FAM219A: variants seen among roughly 807,000 people sequenced by gnomAD.
The protein encoded by FAM219A is family with sequence similarity 219 member A.
FAM219A carries 7 observed loss-of-function variants against 23.4 expected under a neutral mutation model. The observed-to-expected ratio is 0.30, with a 90% confidence interval of 0.17 to 0.56. The LOEUF is 0.56. FAM219A is among the 20% of genes least tolerant of loss of function. The pLI is 0.92. For synonymous variants in FAM219A, 93 were observed against 99.0 expected, an observed-to-expected ratio of 0.94 and a Z score of 0.36; for missense variants, 166 against 246.9, an observed-to-expected ratio of 0.67 and a Z score of 2.20.
chr9:34,415,871 A>AAC (rs1821983702), intron 1 of FAM219A, among the ~76,000 whole-genome samples: 1 of 152,168 alleles, frequency 6.6e-6, no homozygotes, highest in African/African-American at 2.4e-5. Context: ...GAAAGAAGTA[A>AAC]ACACAAGAGA....
At chr9:34,428,808 G>A (rs1405717594) in intron 1 of FAM219A, among the ~76,000 whole-genome samples, 1 of 152,172 alleles carries the variant, frequency 6.6e-6, no homozygotes, top group Non-Finnish European at 1.5e-5. Context: ...ATCTGTTCTT[G>A]TTTCTTCTCC....
At chr9:34,421,592 C>T (rs1822287783) in intron 1 of FAM219A, among the ~76,000 whole-genome samples, 1 of 151,920 alleles carries the variant, frequency 6.6e-6, no homozygotes, top group South Asian at 2.1e-4. Context: ...TAGGAAAGGC[C>T]GCTGAAACAG....
intron 1 of FAM219A, among the ~76,000 whole-genome samples, chr9:34,419,671 C>A (rs1300984937): frequency 6.6e-6 from 1 of 152,132 alleles, no homozygotes; most frequent in Non-Finnish European, 1.5e-5. Flanking sequence ...CGTGTGGATT[C>A]TTGTCTGAAT....
chr9:34,418,288 T>G (rs1822111856), intron 1 of FAM219A, among the ~76,000 whole-genome samples: 1 of 152,188 alleles, frequency 6.6e-6, no homozygotes, highest in South Asian at 2.1e-4. Flanking sequence ...CCTGCTCTGC[T>G]TCTTCATGGT....
rs1823810955 is a variant in FAM219A, at chr9:34,457,882, G to C, written c.60+322C>G. On this transcript the variant is annotated intron_variant, in intron 1 of 5. Transcript: ENST00000651358. This position sits in a 1 kb window ranked among gnomAD's most constrained non-coding sequence, Gnocchi z 5.1. ...GACCCCTGGGCCTGCCGCCGGCGGTGCCCCATGGCAGTTCCCTCGCCAGTC... is the reference window on the plus strand; with the variant it reads ...GACCCCTGGGCCTGCCGCCGGCGGTCCCCCATGGCAGTTCCCTCGCCAGTC... 6.6e-6 allele frequency among the ~76,000 whole-genome samples: 1 copy of C among 152,094 alleles called. No homozygotes were observed. Among genetic ancestry groups the C allele is most frequent in the African/African-American group, 2.4e-5 (1 of 41,424 alleles).
chr9:34,448,533 G>C (rs1419661744), intron 1 of FAM219A, among the ~76,000 whole-genome samples: 1 of 152,224 alleles, frequency 6.6e-6, no homozygotes, highest in South Asian at 2.1e-4. Context: ...GGAGTAGGAG[G>C]GTATAAAATA....
At chr9:34,428,834 T>C (rs1362949594) in intron 1 of FAM219A, among the ~76,000 whole-genome samples, 1 of 152,226 alleles carries the variant, frequency 6.6e-6, no homozygotes, top group Non-Finnish European at 1.5e-5. Context: ...TCCTTGTGCA[T>C]TAAAAGAGCC....
chr9:34,406,492 C>A (rs1393069504), intron 1 of FAM219A: 1 of 985,234 alleles, frequency 1.0e-6, no homozygotes. Flanking sequence ...AAGGCTACAG[C>A]CACTGGACAA....
At chr9:34,449,565 T>C (rs1238090047) in intron 1 of FAM219A, among the ~76,000 whole-genome samples, 4 of 152,168 alleles carry the variant, frequency 2.6e-5, no homozygotes, top group African/African-American at 9.7e-5. Context: ...CTAACTAGCA[T>C]AGGGCAAAAT....
intron 1 of FAM219A, among the ~76,000 whole-genome samples, chr9:34,439,429 G>A (rs1052832227): frequency 2.0e-5 from 3 of 152,100 alleles, no homozygotes; most frequent in Admixed American, 1.3e-4. Flanking sequence ...GGAGACAAAT[G>A]GTAAGTAAAA....
intron 1 of FAM219A, among the ~76,000 whole-genome samples, chr9:34,419,778 T>C (rs937368626): frequency 9.2e-5 from 14 of 152,194 alleles, no homozygotes; most frequent in African/African-American, 3.4e-4. Flanking sequence ...TGGGGCTCCT[T>C]GATTTGCAGG....
intron 1 of FAM219A, among the ~76,000 whole-genome samples, chr9:34,432,493 A>G (rs1436519882): frequency 1.3e-5 from 2 of 152,204 alleles, no homozygotes; most frequent in Non-Finnish European, 2.9e-5. Flanking sequence ...TGGAAACATT[A>G]TATCTCTATC....
Position 34,417,909 on chromosome 9 carries a change from A to G in FAM219A, c.61-11945T>C, listed in dbSNP as rs555905940. Among the ~76,000 whole-genome samples the G allele has an allele frequency of 4.7e-4, 72 of 152,222 alleles. No individual in the cohort carries two copies. The highest frequency in any genetic ancestry group is 9.7e-4 in the Non-Finnish European group (66 of 68,036). ...GAAGACTGGGAAGGGCTTTAAGTGGAGCACTGGCACTGCCTGGCAACTGGG... is the reference window on the plus strand; with the variant it reads ...GAAGACTGGGAAGGGCTTTAAGTGGGGCACTGGCACTGCCTGGCAACTGGG... On this transcript the variant is annotated intron_variant, in intron 1 of 5. Transcript: ENST00000651358. This position sits in a 1 kb window ranked among gnomAD's most constrained non-coding sequence, Gnocchi z 4.1.
chr9:34,422,273 C>G (rs1242194000), intron 1 of FAM219A, among the ~76,000 whole-genome samples: 1 of 152,170 alleles, frequency 6.6e-6, no homozygotes, highest in South Asian at 2.1e-4. Flanking sequence ...AGTGCTTTAT[C>G]TATATTATTT....
At chr9:34,414,110 C>T (rs1239884154) in intron 1 of FAM219A, among the ~76,000 whole-genome samples, 1 of 152,198 alleles carries the variant, frequency 6.6e-6, no homozygotes, top group Non-Finnish European at 1.5e-5. Flanking sequence ...AGAAATCTTG[C>T]CTCTGGTCCA....
intron 1 of FAM219A, among the ~76,000 whole-genome samples, chr9:34,421,983 C>G (rs1207060124): frequency 6.6e-6 from 1 of 152,110 alleles, no homozygotes; most frequent in African/African-American, 2.4e-5. Flanking sequence ...CTCTCTACGC[C>G]CACACCATCC....
chr9:34,443,191 T>C (rs1426716273), intron 1 of FAM219A, among the ~76,000 whole-genome samples: 1 of 152,096 alleles, frequency 6.6e-6, no homozygotes, highest in Non-Finnish European at 1.5e-5. Flanking sequence ...ATAATAGCAA[T>C]GTTGACTTTT....
At chr9:34,403,274 G>A (rs992677464) in intron 2 of FAM219A, among the ~76,000 whole-genome samples, 2 of 152,218 alleles carry the variant, frequency 1.3e-5, no homozygotes, top group African/African-American at 4.8e-5. Context: ...TCAGGTTAGA[G>A]AAGTAAAATT....
At position 34,405,859 on chromosome 9, in the gene FAM219A, A is replaced by T. The variant is rs1056064993; in HGVS notation, c.160+6T>A. ...CACATCTCCCTCACCCCCCAGACAC[A>T]CTCACCCAGCTTCACTTGGAGCGGG... On this transcript the variant is annotated splice_donor_region_variant and intron_variant, in intron 2 of 5. Coordinates refer to ENST00000651358, the MANE Select transcript of FAM219A (RefSeq NM_001184940.2). 1.2e-6 allele frequency: 2 copies of T among 1,613,262 alleles called. No individual in the cohort carries two copies. The highest frequency in any genetic ancestry group is 1.3e-5 in the African/African-American group (1 of 74,728).
Sources: gnomAD v4.1 joint callset for allele counts (sites outside exome capture counted in the v4.1 genomes callset) on GRCh38, gnomAD v4.1.1 for gene constraint, Gnocchi (gnomAD v3.1) non-coding constraint, MANE v1.5 for transcripts, NCBI Gene and HGNC (gene_info 2026-07-23, HGNC 2026-07-21) for gene names.